CNBD1: variants seen among roughly 807,000 people sequenced by gnomAD.
CNBD1 encodes the protein cyclic nucleotide binding domain containing 1, also known as cyclic nucleotide-binding domain-containing protein 1.
CNBD1 carries 71 observed loss-of-function variants against 54.4 expected under a neutral mutation model. That is an observed-to-expected ratio of 1.30 (90% CI 1.08 to 1.59). The LOEUF (loss-of-function observed/expected upper bound fraction) is 1.59, where lower values mean the gene tolerates loss of function less well. Among genes scored for constraint, CNBD1 ranks in the 40% most tolerant of loss-of-function variants. The pLI is 0.00. For synonymous variants in CNBD1, 182 were observed against 170.7 expected (o/e 1.07, Z -0.51); for missense variants, 659 against 518.0 (o/e 1.27, Z -2.64).
chr8:86,899,139 A>T (rs976552614), intron 2 of CNBD1, among the ~76,000 whole-genome samples: 2 of 152,102 alleles, frequency 1.3e-5, no homozygotes, highest in African/African-American at 4.8e-5. Context: ...AAATACAGAG[A>T]TAGAGAACAG....
At position 87,403,915 on chromosome 8, in the gene CNBD1, G is replaced by T. The variant is rs1329358563; in HGVS notation, c.214-24631G>T. ...TATGAAAGCCACTCTCCCCCATGATGTGATTTGCTTACAAATAGTGCTATC... is the reference window on the plus strand; with the variant it reads ...TATGAAAGCCACTCTCCCCCATGATTTGATTTGCTTACAAATAGTGCTATC... On this transcript the variant is annotated intron_variant, in intron 2 of 7. Coordinates refer to the CNBD1 transcript ENST00000521593. Among the ~76,000 whole-genome samples, 5 of 152,156 alleles carry T rather than the reference G, an allele frequency of 3.3e-5. No homozygotes were observed. The East Asian group carries it at 9.7e-4, about 30-fold the overall frequency.
chr8:87,111,539 G>T (rs1811662192), intron 4 of CNBD1, among the ~76,000 whole-genome samples: 1 of 152,158 alleles, frequency 6.6e-6, no homozygotes, highest in African/African-American at 2.4e-5. Context: ...GGGAATTGCA[G>T]TTATTCCTCA....
intron 8 of CNBD1, among the ~76,000 whole-genome samples, chr8:87,319,232 C>T (rs1809467466): frequency 6.6e-6 from 1 of 151,972 alleles, no homozygotes; most frequent in African/African-American, 2.4e-5. Flanking sequence ...GATAGTATTA[C>T]AGGAGGAAGC....
At chr8:87,048,554 G>C (rs1810248828) in intron 4 of CNBD1, among the ~76,000 whole-genome samples, 1 of 152,158 alleles carries the variant, frequency 6.6e-6, no homozygotes, top group Non-Finnish European at 1.5e-5. Context: ...TTGGGTAACA[G>C]ACATCTTAAA....
At chr8:87,246,982 C>T (rs567714924) in intron 6 of CNBD1, among the ~76,000 whole-genome samples, 1 of 151,890 alleles carries the variant, frequency 6.6e-6, no homozygotes, top group African/African-American at 2.4e-5. Flanking sequence ...ACAGTGACAC[C>T]CGAATTATGT....
At chr8:87,354,549 C>T (rs1810382752) in intron 10 of CNBD1, among the ~76,000 whole-genome samples, 2 of 151,920 alleles carry the variant, frequency 1.3e-5, no homozygotes, top group African/African-American at 4.8e-5. Context: ...ATTGCTATCC[C>T]TCCCCCTTCC....
chr8:87,425,658 A>C (rs1808033021), intron 2 of CNBD1, among the ~76,000 whole-genome samples: 1 of 152,094 alleles, frequency 6.6e-6, no homozygotes, highest in Non-Finnish European at 1.5e-5. Flanking sequence ...GACCCACTTG[A>C]GGAGGCAGTC....
At chr8:86,958,793 A>G (rs562650493) in intron 4 of CNBD1, among the ~76,000 whole-genome samples, 4 of 152,178 alleles carry the variant, frequency 2.6e-5, no homozygotes, top group East Asian at 3.9e-4. Flanking sequence ...ATTTGTCAGT[A>G]TGTGTCTTTT....
rs140843260 is a variant in CNBD1 at position 87,216,236 on chromosome 8, T to C, written c.577+10098T>C. ...AATTTCTTTTAATAAATTTGTTTAA[T>C]ATGAAAAGAGAAATACAAAAGAAAT... On this transcript the variant is annotated intron_variant, in intron 5 of 10. Transcript: ENST00000518476. Among the ~76,000 whole-genome samples the C allele has an allele frequency of 2.0e-5, 3 of 152,292 alleles. No individual in the cohort carries two copies. In the East Asian group the frequency reaches 5.8e-4, roughly 29 times the overall value.
chr8:87,243,806 A>G (rs1021566807), intron 6 of CNBD1, among the ~76,000 whole-genome samples: 27 of 152,250 alleles, frequency 1.8e-4, no homozygotes, highest in African/African-American at 5.8e-4. Context: ...TAAATGTCAC[A>G]TATCAAAACA....
chr8:87,137,568 A>T (rs1224090484), intron 4 of CNBD1, among the ~76,000 whole-genome samples: 2 of 152,122 alleles, frequency 1.3e-5, no homozygotes, highest in African/African-American at 4.8e-5. Context: ...TAGTGTTTCC[A>T]TGGGAACACC....
At position 87,230,222 on chromosome 8, in the gene CNBD1, A is replaced by T. The variant is rs1221976577; in HGVS notation, c.578-6697A>T. The stretch of plus-strand genomic sequence containing the variant: ...GATGGTGCTAAACCATTCATGAATG[A>T]TTCACACCCATGATCCAATCACCTC... On this transcript the variant is annotated intron_variant, in intron 5 of 10. Transcript: ENST00000518476. 3.3e-5 allele frequency among the ~76,000 whole-genome samples: 5 copies of T among 152,258 alleles called. No homozygotes were observed. The Middle Eastern group carries it at 0.01, about 311-fold the overall frequency.
At chr8:87,219,948 A>G (rs1814293799) in intron 5 of CNBD1, among the ~76,000 whole-genome samples, 1 of 152,020 alleles carries the variant, frequency 6.6e-6, no homozygotes, top group African/African-American at 2.4e-5. Flanking sequence ...TCATATTATT[A>G]TACTAAAAAA....
chr8:86,925,636 T>G (rs567871098), intron 3 of CNBD1, among the ~76,000 whole-genome samples: 1 of 151,568 alleles, frequency 6.6e-6, no homozygotes, highest in South Asian at 2.1e-4. Flanking sequence ...ATATATGCAC[T>G]TTGGGAGGCC....
At chr8:87,241,483 A>G (rs573042362) in intron 6 of CNBD1, among the ~76,000 whole-genome samples, 3 of 152,106 alleles carry the variant, frequency 2.0e-5, no homozygotes, top group Non-Finnish European at 2.9e-5. Flanking sequence ...CGTGTTAGCC[A>G]GGATCGTCTT....
At chr8:87,366,543 A>G (rs1406002735) in intron 10 of CNBD1, among the ~76,000 whole-genome samples, 1 of 152,096 alleles carries the variant, frequency 6.6e-6, no homozygotes, top group Non-Finnish European at 1.5e-5. Flanking sequence ...GCCCACCCAG[A>G]TAACCTGCCT....
At chr8:87,424,751 A>C (rs1808014722) in intron 2 of CNBD1, among the ~76,000 whole-genome samples, 1 of 152,034 alleles carries the variant, frequency 6.6e-6, no homozygotes, top group Non-Finnish European at 1.5e-5. Context: ...GCTGCCCTTA[A>C]CCTTTTTTCC....
rs1369735300 is a variant in CNBD1, at chr8:87,192,292, G to C, written c.432-13701G>C. On this transcript the variant is annotated intron_variant, in intron 4 of 10. Transcript: ENST00000518476. ...TTTTTCTAAATAATTATTCACATTT[G>C]CACCAAATTTGTAATTTATAAATTT... 6.6e-5 allele frequency among the ~76,000 whole-genome samples: 10 copies of C among 152,014 alleles called. No homozygotes were observed. The South Asian group carries it at 2.1e-3, about 32-fold the overall frequency.
intron 8 of CNBD1, among the ~76,000 whole-genome samples, chr8:87,323,614 G>C (rs1213334599): frequency 1.5e-5 from 2 of 129,880 alleles, no homozygotes; most frequent in African/African-American, 5.7e-5. Context: ...GTCTGTTGCT[G>C]GTGTATAAGA....
Sources: gnomAD v4.1 joint callset for allele counts (sites outside exome capture counted in the v4.1 genomes callset) on GRCh38, gnomAD v4.1.1 for gene constraint, MANE v1.5 for transcripts, NCBI Gene and HGNC (gene_info 2026-07-23, HGNC 2026-07-21) for gene names.